IQCH: variants seen among roughly 807,000 people sequenced by gnomAD.
The protein encoded by IQCH is IQ domain-containing protein H.
A neutral mutation model predicts 117.0 loss-of-function variants in IQCH; 98 were observed. That is an observed-to-expected ratio of 0.84 (90% CI 0.71 to 0.99). The LOEUF is 0.99. Ranked by LOEUF, IQCH falls within the 50% of genes least tolerant of loss-of-function variation. The pLI is 0.00. For missense variants in IQCH, 1,102 were observed against 1,243.8 expected, an observed-to-expected ratio of 0.89 and a Z score of 1.72; for synonymous variants, 412 against 448.2, an observed-to-expected ratio of 0.92 and a Z score of 1.02.
rs1473478272 is a variant in IQCH at position 67,456,728 on chromosome 15, A to G, written c.2506-8399A>G. On this transcript the variant is annotated intron_variant, in intron 16 of 20. Coordinates refer to ENST00000335894, the MANE Select transcript of IQCH (RefSeq NM_001031715.3). This position sits in a 1 kb window ranked among gnomAD's most constrained non-coding sequence, Gnocchi z 5.1. ...TTCTTTTCATATTTGGGAGCCAGGA[A>G]CTCCCAAATATGGATTTTGGATTTT... Among the ~76,000 whole-genome samples the G allele has an allele frequency of 6.6e-6, 1 of 152,008 alleles. No homozygotes were observed. Among genetic ancestry groups the G allele is most frequent in the Non-Finnish European group, 1.5e-5 (1 of 68,006 alleles).
Position 67,465,555 on chromosome 15 carries a change from A to G in IQCH, c.2676+258A>G, listed in dbSNP as rs2082909683. On this transcript the variant is annotated intron_variant, in intron 17 of 20. Coordinates refer to ENST00000335894, the MANE Select transcript of IQCH (RefSeq NM_001031715.3). This position sits in a 1 kb window ranked among gnomAD's most constrained non-coding sequence, Gnocchi z 5.9. The stretch of plus-strand genomic sequence containing the variant: ...TCTCCTCCCCTTTTTCTAGGCAGGT[A>G]CACCTACACCCATTGCCTCAACTAC... Among the ~76,000 whole-genome samples, 1 of 152,182 alleles carries G rather than the reference A, an allele frequency of 6.6e-6. No individual in the cohort carries two copies. Among genetic ancestry groups the G allele is most frequent in the African/African-American group, 2.4e-5 (1 of 41,438 alleles).
rs1261000188 is a variant in IQCH, at chr15:67,381,227, GA to G, written c.1373-3706del. On this transcript the variant is annotated intron_variant, in intron 10 of 20. Transcript: ENST00000335894. The surrounding 1 kb of genome is among the most constrained non-coding windows in gnomAD (Gnocchi z 5.1). ...GTGTCATCTGATAGATGTTTATGCAGAAAGGGACTGGGAAAGGCTGTGAAGG... is the reference window on the plus strand; with the variant it reads ...GTGTCATCTGATAGATGTTTATGCAGAAGGGACTGGGAAAGGCTGTGAAGG... 1.3e-5 allele frequency among the ~76,000 whole-genome samples: 2 copies of G among 152,194 alleles called. No homozygotes were observed. Among genetic ancestry groups the G allele is most frequent in the Admixed American group, 1.3e-4 (2 of 15,270 alleles).
At chr15:67,256,103 C>G (rs753869651) in intron 1 of IQCH, among the ~76,000 whole-genome samples, 1 of 152,174 alleles carries the variant, frequency 6.6e-6, no homozygotes, top group African/African-American at 2.4e-5. Context: ...GAACTATTCG[C>G]AGAGCTCAGG....
Position 67,413,835 on chromosome 15 carries a change from A to G in IQCH, c.2098-3096A>G, listed in dbSNP as rs2081509293. On this transcript the variant is annotated intron_variant, in intron 14 of 20. Coordinates refer to ENST00000335894, the MANE Select transcript of IQCH (RefSeq NM_001031715.3). This position sits in a 1 kb window ranked among gnomAD's most constrained non-coding sequence, Gnocchi z 5.0. ...TTACTCCTCCAGATTCCAGCAGCCG[A>G]CTTTCCTCTAGGAAATTTACCTCCT... Among the ~76,000 whole-genome samples, 1 of 152,140 alleles carries G rather than the reference A, an allele frequency of 6.6e-6. No homozygotes were observed. The highest frequency in any genetic ancestry group is 1.5e-5 in the Non-Finnish European group (1 of 68,036).
At position 67,445,006 on chromosome 15, in the gene IQCH, C is replaced by A; in HGVS notation, c.2506-20121C>A. Among the ~76,000 whole-genome samples the A allele has an allele frequency of 6.6e-6, 1 of 151,980 alleles. No homozygotes were observed. On this transcript the variant is annotated intron_variant, in intron 16 of 20. Coordinates refer to ENST00000335894, the MANE Select transcript of IQCH (RefSeq NM_001031715.3). The surrounding 1 kb of genome is among the most constrained non-coding windows in gnomAD (Gnocchi z 4.3). ...TATAGTAATATTTATTTTTAAGAGCCCTTCTGTCATTTTAAATTATTTATG... is the reference window on the plus strand; with the variant it reads ...TATAGTAATATTTATTTTTAAGAGCACTTCTGTCATTTTAAATTATTTATG...
At chr15:67,306,718 G>A (rs1251234273) in intron 4 of IQCH, 1 of 791,768 alleles carries the variant, frequency 1.3e-6, no homozygotes, top group Non-Finnish European at 2.1e-6. Flanking sequence ...ACTCTGTTAT[G>A]TAAAATCAAT....
At chr15:67,487,458 A>ACACAC (rs397814983) in intron 18 of IQCH, among the ~76,000 whole-genome samples, 2 of 148,376 alleles carry the variant, frequency 1.3e-5, no homozygotes, top group East Asian at 1.9e-4. Context: ...ACACACACAC[A>ACACAC]ACCCTCATTA....
At chr15:67,358,960 T>C (rs981668550) in intron 7 of IQCH, among the ~76,000 whole-genome samples, 17 of 152,242 alleles carry the variant, frequency 1.1e-4, no homozygotes, top group Non-Finnish European at 2.1e-4. Context: ...TATTTGTGTT[T>C]CATGAAAAAT....
At chr15:67,382,964 A>C (rs1440330452) in intron 10 of IQCH, among the ~76,000 whole-genome samples, 1 of 152,320 alleles carries the variant, frequency 6.6e-6, no homozygotes, top group African/African-American at 2.4e-5. Flanking sequence ...TTCACCTGTC[A>C]ACACATATAC....
rs369730892 is a variant in IQCH, at chr15:67,372,186, A to G, written c.829A>G (p.Ile277Val). Reference protein sequence around the residue: ...DYDFLIYDGVIDNTAPDFLAF... With the variant: ...DYDFLIYDGVVDNTAPDFLAF... The stretch of plus-strand genomic sequence containing the variant: ...TGACTTTTTAATTTATGATGGTGTC[A>G]TAGACAATACAGCCCCAGACTTCTT... Residue 277 changes from isoleucine to valine, a missense_variant, in exon 9 of 21, where the codon ATA (isoleucine) becomes GTA (valine). Physicochemically the swap from Ile to Val is conservative, Grantham distance 29. Transcript: ENST00000335894. The G allele has an allele frequency of 3.7e-6, 6 of 1,614,014 alleles. No homozygotes were observed. Among genetic ancestry groups the G allele is most frequent in the Non-Finnish European group, 3.4e-6 (4 of 1,179,982 alleles).
chr15:67,294,774 T>C (rs964571164), intron 4 of IQCH, among the ~76,000 whole-genome samples: 1 of 152,178 alleles, frequency 6.6e-6, no homozygotes, highest in African/African-American at 2.4e-5. Context: ...TAGACCCCAG[T>C]AGGGTTTTCT....
chr15:67,288,244 A>G (rs1016762328), intron 4 of IQCH, among the ~76,000 whole-genome samples: 1 of 152,046 alleles, frequency 6.6e-6, no homozygotes, highest in Non-Finnish European at 1.5e-5. Context: ...TGTTCTGTAA[A>G]TATCTATTAA....
intron 17 of IQCH, among the ~76,000 whole-genome samples, chr15:67,470,555 C>T (rs985517561): frequency 2.0e-5 from 3 of 152,054 alleles, no homozygotes; most frequent in Admixed American, 6.6e-5. Context: ...GCAAATAACA[C>T]GGCATGGAAA....
rs1037312104 is a variant in IQCH at position 67,496,754 on chromosome 15, C to G, written c.2970+2388C>G. On this transcript the variant is annotated intron_variant, in intron 20 of 20. Transcript: ENST00000335894. The surrounding 1 kb of genome is among the most constrained non-coding windows in gnomAD (Gnocchi z 4.4). Reference sequence around the variant, plus strand: ...AAAGTATCGGCCGGGCACGGTGGCTCACGCCTGTAATCCCAGCACTTTGGG... The same window carrying G: ...AAAGTATCGGCCGGGCACGGTGGCTGACGCCTGTAATCCCAGCACTTTGGG... Among the ~76,000 whole-genome samples the G allele has an allele frequency of 1.3e-5, 2 of 151,680 alleles. No individual in the cohort carries two copies. Among genetic ancestry groups the G allele is most frequent in the Admixed American group, 1.3e-4 (2 of 15,248 alleles).
intron 16 of IQCH, among the ~76,000 whole-genome samples, chr15:67,434,944 T>C (rs191823383): frequency 1.3e-5 from 2 of 151,220 alleles, no homozygotes; most frequent in South Asian, 4.2e-4. Context: ...TGTATTTTTG[T>C]ATTTTTTTTT....
Position 67,404,288 on chromosome 15 carries a change from A to G in IQCH, c.2097+3983A>G, listed in dbSNP as rs1452894463. The G allele has an allele frequency of 6.6e-6, 1 of 152,206 alleles. No individual in the cohort carries two copies. The highest frequency in any genetic ancestry group is 1.5e-5 in the Non-Finnish European group (1 of 68,038). The allele number at this position is 152,206 out of a possible 1,614,324, so 9.4% of individuals were successfully genotyped here. Reference sequence around the variant, plus strand: ...AACTAAGGCAGCAAACAGAAAACACAATTACAAAAGAGAATCATTAACCAT... The same window carrying G: ...AACTAAGGCAGCAAACAGAAAACACGATTACAAAAGAGAATCATTAACCAT... On this transcript the variant is annotated intron_variant, in intron 14 of 20. Transcript: ENST00000335894. This position sits in a 1 kb window ranked among gnomAD's most constrained non-coding sequence, Gnocchi z 4.6.
intron 5 of IQCH, among the ~76,000 whole-genome samples, chr15:67,339,711 G>A (rs1325722054): frequency 6.6e-6 from 1 of 152,066 alleles, no homozygotes; most frequent in African/African-American, 2.4e-5. Context: ...CCCTTTTGAC[G>A]AAAACAATCT....
intron 16 of IQCH, among the ~76,000 whole-genome samples, chr15:67,452,269 G>T (rs1179097179): frequency 1.3e-5 from 2 of 152,146 alleles, no homozygotes; most frequent in East Asian, 3.9e-4. Flanking sequence ...CTGTCATTAT[G>T]ATGTTAGCTG....
rs1398938988 is a variant in IQCH at position 67,453,225 on chromosome 15, C to T, written c.2506-11902C>T. Among the ~76,000 whole-genome samples, 5 of 152,316 alleles carry T rather than the reference C, an allele frequency of 3.3e-5. No homozygotes were observed. The highest frequency in any genetic ancestry group is 7.2e-5 in the African/African-American group (3 of 41,566). ...CATCTGAAGCCTTCTTCTCTCAACTCGTCAAAGTCATTCTCCATCCAGCTT... is the reference window on the plus strand; with the variant it reads ...CATCTGAAGCCTTCTTCTCTCAACTTGTCAAAGTCATTCTCCATCCAGCTT... On this transcript the variant is annotated intron_variant, in intron 16 of 20. Transcript: ENST00000335894. The surrounding 1 kb of genome is among the most constrained non-coding windows in gnomAD (Gnocchi z 5.8).
Sources: gnomAD v4.1 joint callset for allele counts (sites outside exome capture counted in the v4.1 genomes callset) on GRCh38, gnomAD v4.1.1 for gene constraint, Gnocchi (gnomAD v3.1) non-coding constraint, MANE v1.5 for transcripts, NCBI Gene and HGNC (gene_info 2026-07-23, HGNC 2026-07-21) for gene names.